The following PCDH11X variants were observed in gnomAD, a reference collection of about 807,000 sequenced individuals.
PCDH11X encodes the protein protocadherin 11 X-linked.
PCDH11X carries 18 observed loss-of-function variants against 53.3 expected under a neutral mutation model. The ratio of observed to expected loss-of-function variants is 0.34; its 90% confidence interval spans 0.23 to 0.50. The LOEUF (loss-of-function observed/expected upper bound fraction) is 0.50, where lower values mean the gene tolerates loss of function less well. Ranked by LOEUF, PCDH11X falls within the 20% of genes least tolerant of loss-of-function variation. PCDH11X has a pLI of 0.98. For synonymous variants in PCDH11X, 279 were observed against 393.3 expected, an observed-to-expected ratio of 0.71 and a Z score of 3.44; for missense variants, 570 against 1,032.4, an observed-to-expected ratio of 0.55 and a Z score of 6.14.
chrX:91,911,692 G>A (rs1484534292), intron 6 of PCDH11X, among the ~76,000 whole-genome samples: 2 of 110,518 alleles, frequency 1.8e-5, no homozygotes, highest in East Asian at 5.7e-4. Context: ...TTCATTTTTA[G>A]CTCCCATAAA....
At chrX:92,008,153 G>A (rs185920399) in intron 6 of PCDH11X, among the ~76,000 whole-genome samples, 36 of 111,505 alleles carry the variant, frequency 3.2e-4, no homozygotes, top group African/African-American at 1.1e-3. Context: ...GACTTCTCCG[G>A]CTGGTGCCTC....
In PCDH11X at chrX:92,551,679, G is replaced by A. The variant is rs2074956908; in HGVS notation, c.3368-66585G>A. Among the ~76,000 whole-genome samples the A allele has an allele frequency of 2.7e-5, 3 of 110,355 alleles. No individual in the cohort carries two copies. In the South Asian group the frequency reaches 1.2e-3, roughly 42 times the overall value. On this transcript the variant is annotated intron_variant, in intron 10 of 10. Transcript: ENST00000682573. ...AATGTTTTCTTGTTGTAGGTTCATA[G>A]TTTGAAGTCTTAGATTTAAATATTT...
intron 6 of PCDH11X, among the ~76,000 whole-genome samples, chrX:91,924,059 TAAC>T (rs1248767173): frequency 2.7e-5 from 3 of 109,644 alleles, no homozygotes; most frequent in Admixed American, 9.9e-5. Flanking sequence ...AAACTCATAA[TAAC>T]AACAATAAAA....
chrX:92,263,270 T>C (rs1379582023), intron 8 of PCDH11X, 127 bp downstream of exon 8: 3 of 525,534 alleles, frequency 5.7e-6, no homozygotes, highest in Non-Finnish European at 8.7e-6. Context: ...TGGTTCTACT[T>C]TAAAAGAGAG....
chrX:92,534,247 C>A (rs190731102), intron 10 of PCDH11X, among the ~76,000 whole-genome samples: 1 of 111,061 alleles, frequency 9.0e-6, no homozygotes, highest in African/African-American at 3.3e-5. Flanking sequence ...ACGAGAACTA[C>A]GTGATGCATG....
At chrX:92,461,801 A>T (rs1242556800) in intron 9 of PCDH11X, among the ~76,000 whole-genome samples, 1 of 111,586 alleles carries the variant, frequency 9.0e-6, no homozygotes, top group Non-Finnish European at 1.9e-5. Context: ...AATATTTGTA[A>T]ACTACTCATC....
chrX:91,886,920 A>G (rs535029370), intron 6 of PCDH11X, among the ~76,000 whole-genome samples: 286 of 103,366 alleles, frequency 2.8e-3, no homozygotes, highest in South Asian at 0.012. Context: ...GCAGTGAGCC[A>G]AGATGGCGCC....
intron 8 of PCDH11X, among the ~76,000 whole-genome samples, chrX:92,320,255 T>A (rs754411567): frequency 9.0e-6 from 1 of 111,303 alleles, no homozygotes; most frequent in African/African-American, 3.3e-5. Context: ...TAGACAAAAG[T>A]TCTAGCTCAC....
At chrX:91,902,857 T>C (rs1323814423) in intron 6 of PCDH11X, among the ~76,000 whole-genome samples, 1 of 109,262 alleles carries the variant, frequency 9.2e-6, no homozygotes, top group Non-Finnish European at 1.9e-5. Context: ...TTCATTCCAA[T>C]TGTTCAACAA....
intron 6 of PCDH11X, among the ~76,000 whole-genome samples, chrX:91,922,991 T>A (rs1339035289): frequency 9.0e-6 from 1 of 111,017 alleles, no homozygotes; most frequent in Admixed American, 9.5e-5. Context: ...AATCAAAAGA[T>A]ACAAGTTCTT....
At chrX:92,255,087 G>A (rs1209811481) in intron 7 of PCDH11X, among the ~76,000 whole-genome samples, 2 of 102,969 alleles carry the variant, frequency 1.9e-5, no homozygotes, top group African/African-American at 3.6e-5. Context: ...CCAATCAGAC[G>A]TAGATTTGGT....
chrX:92,611,160 G>A (rs1294789960), intron 10 of PCDH11X, among the ~76,000 whole-genome samples: 1 of 109,828 alleles, frequency 9.1e-6, no homozygotes, highest in Admixed American at 9.8e-5. Flanking sequence ...AGTTTGATAG[G>A]AAGAGTGTTG....
chrX:91,957,603 C>T (rs1020823896), intron 6 of PCDH11X, among the ~76,000 whole-genome samples: 28 of 110,945 alleles, frequency 2.5e-4, no homozygotes, highest in African/African-American at 8.9e-4. Flanking sequence ...CCAGTGAAGG[C>T]CATGAAACAG....
chrX:92,060,840 T>C (rs1338871691), intron 6 of PCDH11X, among the ~76,000 whole-genome samples: 5 of 111,883 alleles, frequency 4.5e-5, no homozygotes, highest in South Asian at 3.7e-4. Context: ...TTTGCGTATA[T>C]ACCCAATCAT....
intron 9 of PCDH11X, among the ~76,000 whole-genome samples, chrX:92,461,948 TAAGTAA>T (rs1226428587): frequency 8.9e-6 from 1 of 112,361 alleles, no homozygotes; most frequent in Admixed American, 9.4e-5. Context: ...TTCAAGTGTT[TAAGTAA>T]AAGTTGTTTC....
intron 7 of PCDH11X, among the ~76,000 whole-genome samples, chrX:92,218,998 A>G (rs1363486808): frequency 4.6e-5 from 5 of 108,325 alleles, no homozygotes; most frequent in South Asian, 4.0e-4. Flanking sequence ...ATTCAACAAC[A>G]CTTCATGCTA....
intron 6 of PCDH11X, among the ~76,000 whole-genome samples, chrX:91,976,538 G>T (rs1221085144): frequency 9.0e-6 from 1 of 111,366 alleles, no homozygotes; most frequent in Non-Finnish European, 1.9e-5. Flanking sequence ...CTTCACAAAA[G>T]AGAGATCTGA....
rs185402764 is a variant in PCDH11X, at chrX:91,792,748, A to T, written c.-379+13064A>T. ...GCATCATGATTCAGAGAAATGGAAGACACTTTGAGAACATGATATACAGTA... is the reference window on the plus strand; with the variant it reads ...GCATCATGATTCAGAGAAATGGAAGTCACTTTGAGAACATGATATACAGTA... On this transcript the variant is annotated intron_variant, in intron 1 of 10. Coordinates refer to ENST00000682573, the MANE Select transcript of PCDH11X (RefSeq NM_032968.5). Among the ~76,000 whole-genome samples, 409 of 111,783 alleles carry T rather than the reference A, an allele frequency of 3.7e-3. 3 individuals are homozygous for T. The highest frequency in any genetic ancestry group is 0.013 in the African/African-American group (400 of 30,855).
intron 6 of PCDH11X, among the ~76,000 whole-genome samples, chrX:91,953,335 AT>A (rs1011495502): frequency 2.7e-5 from 3 of 110,351 alleles, no homozygotes; most frequent in Non-Finnish European, 5.7e-5. Context: ...ACCCACAAAC[AT>A]TTTTTTAAAT....
Sources: allele counts gnomAD v4.1 joint callset (sites outside exome capture counted in the v4.1 genomes callset), GRCh38; gene constraint gnomAD v4.1.1; transcripts MANE v1.5; gene names NCBI Gene and HGNC (gene_info 2026-07-23, HGNC 2026-07-21).